CCDC138: variants seen among roughly 807,000 people sequenced by gnomAD.
CCDC138 encodes the protein coiled-coil domain-containing protein 138.
Under a neutral mutation model 82.3 loss-of-function variants are expected in CCDC138, and 66 were observed. That is an observed-to-expected ratio of 0.80 (90% CI 0.66 to 0.98). The LOEUF (loss-of-function observed/expected upper bound fraction) is 0.98. CCDC138 is among the 50% of genes least tolerant of loss of function. CCDC138 has a pLI of 0.00. For synonymous variants in CCDC138, 297 were observed against 265.4 expected, an observed-to-expected ratio of 1.12 and a Z score of -1.16; for missense variants, 816 against 758.9, an observed-to-expected ratio of 1.08 and a Z score of -0.88.
intron 7 of CCDC138, among the ~76,000 whole-genome samples, chr2:108,807,398 A>G (rs941957597): frequency 1.5e-4 from 23 of 152,208 alleles, no homozygotes; most frequent in African/African-American, 4.1e-4. Flanking sequence ...AATTGACATA[A>G]TTATGCATAA....
Position 108,839,263 on chromosome 2 carries a change from A to G in CCDC138, c.1285A>G (p.Ile429Val), listed in dbSNP as rs2150419956. 3 of 1,612,846 alleles carry G rather than the reference A, an allele frequency of 1.9e-6. No individual in the cohort carries two copies. The highest frequency in any genetic ancestry group is 2.2e-5 in the South Asian group (2 of 91,000). Residue 429 changes from isoleucine (I) to valine (V), a missense_variant, in exon 11 of 15, where the codon ATA becomes GTA. Ile to Val is a conservative substitution (Grantham distance 29). Transcript: ENST00000295124. Reference protein sequence around the residue: ...IKLHEPFVKFIYWSLRQLDAG... With the variant: ...IKLHEPFVKFVYWSLRQLDAG... ...ACTTCACGAGCCTTTTGTAAAATTT[A>G]TATATTGGTCCCTAAGGCAGCTAGA...
Position 108,873,519 on chromosome 2 carries a change from C to T in CCDC138, c.1762C>T (p.Arg588Ter), listed in dbSNP as rs367585718. 25 of 1,612,408 alleles carry T rather than the reference C, an allele frequency of 1.6e-5. No homozygotes were observed. The highest frequency in any genetic ancestry group is 6.7e-5 in the African/African-American group (5 of 74,830). Residue 588 changes from arginine to a stop codon, truncating the protein, a stop_gained, in exon 14 of 15, where the codon CGA becomes TGA. Transcript: ENST00000295124. LOFTEE classifies it high-confidence loss of function. ...LFFRTCSVLL[R>*]APKLDLQILE... ...TTTTCGTACTTGCTCTGTGCTGCTT[C>T]GAGCCCCTAAGCTTGATCTTCAAAT...
At chr2:108,881,654 G>A (rs139568261) in intron 1 of CCDC138, among the ~76,000 whole-genome samples, 59 of 152,280 alleles carry the variant, frequency 3.9e-4, no homozygotes, top group Non-Finnish European at 8.2e-4. Context: ...TGGACACTTA[G>A]AGGGCATTTT....
At chr2:108,832,766 A>C (rs532898883) in intron 10 of CCDC138, among the ~76,000 whole-genome samples, 2 of 152,308 alleles carry the variant, frequency 1.3e-5, no homozygotes, top group African/African-American at 4.8e-5. Flanking sequence ...ACAGACACCT[A>C]GTAGTTGAAG....
intron 10 of CCDC138, among the ~76,000 whole-genome samples, chr2:108,820,735 C>T (rs1393489481): frequency 7.1e-6 from 1 of 141,486 alleles, no homozygotes. Context: ...AAACTGTTAA[C>T]CAAGAGTACT....
intron 10 of CCDC138, among the ~76,000 whole-genome samples, chr2:108,838,199 A>G (rs1011819154): frequency 2.6e-5 from 4 of 152,182 alleles, no homozygotes; most frequent in South Asian, 2.1e-4. Flanking sequence ...TAATTTGTCT[A>G]TCAGAGGCAT....
chr2:108,848,313 C>T (rs1307746699), intron 12 of CCDC138, among the ~76,000 whole-genome samples: 1 of 152,122 alleles, frequency 6.6e-6, no homozygotes, highest in African/African-American at 2.4e-5. Context: ...TCTGTCACCA[C>T]TTGTGTGCAG....
Position 108,882,718 on chromosome 2 carries a change from CT to C in CCDC138, c.92del (p.Leu31ProfsTer18), listed in dbSNP as rs1422280882. The C allele has an allele frequency of 6.6e-6, 1 of 152,224 alleles. No individual in the cohort carries two copies. Among genetic ancestry groups the C allele is most frequent in the Non-Finnish European group, 1.5e-5 (1 of 68,092 alleles). The allele number at this position is 152,224 out of a possible 1,614,324, so 9.4% of individuals were successfully genotyped here. On this transcript the variant is annotated frameshift_variant, in exon 2 of 3. Transcript: ENST00000608781. LOFTEE classifies it high-confidence loss of function. ...TGTCCACATGTCTCTTCATTTTCTT[CT>C]CAGGCCTCCTCTTTCTCTCACCATC... is the stretch of plus-strand genomic sequence containing the variant.
chr2:108,851,598 C>T (rs550016956), intron 12 of CCDC138, among the ~76,000 whole-genome samples: 154 of 152,260 alleles, frequency 1.0e-3, no homozygotes, highest in African/African-American at 3.0e-3. Context: ...CCACCGCGCC[C>T]GGCCTTTCTC....
chr2:108,793,892 G>A (rs914866551), intron 4 of CCDC138, among the ~76,000 whole-genome samples: 1 of 151,768 alleles, frequency 6.6e-6, no homozygotes, highest in Non-Finnish European at 1.5e-5. Context: ...GTGAGCCACC[G>A]CGCCCTGCCA....
chr2:108,857,939 G>A (rs542457027), intron 13 of CCDC138, among the ~76,000 whole-genome samples: 1 of 152,230 alleles, frequency 6.6e-6, no homozygotes, highest in African/African-American at 2.4e-5. Flanking sequence ...TTATGAAATA[G>A]TTGACCTGCT....
At chr2:108,867,194 C>A (rs1574302113) in intron 13 of CCDC138, among the ~76,000 whole-genome samples, 1 of 152,138 alleles carries the variant, frequency 6.6e-6, no homozygotes, top group East Asian at 1.9e-4. Context: ...TGTCACAGGG[C>A]TAGGGCCAGG....
At position 108,786,793 on chromosome 2, in the gene CCDC138, C is replaced by G. The variant is rs373787363; in HGVS notation, c.-30C>G. On this transcript the variant is annotated 5_prime_UTR_variant, in exon 1 of 15. Transcript: ENST00000295124. ...GCCGCGGGTTTGATGAACGCGGTTCCCGGGGAGACTGGTACGGTTGCTGTG... is the reference window on the plus strand; with the variant it reads ...GCCGCGGGTTTGATGAACGCGGTTCGCGGGGAGACTGGTACGGTTGCTGTG... 1 of 1,563,914 alleles carries G rather than the reference C, an allele frequency of 6.4e-7. No individual in the cohort carries two copies. The highest frequency in any genetic ancestry group is 1.9e-5 in the Admixed American group (1 of 52,092).
downstream of CCDC138, chr2:108,878,281 T>C (rs920588530): frequency 6.1e-6 from 1 of 164,264 alleles, no homozygotes; most frequent in African/African-American, 2.4e-5. Flanking sequence ...ATCATCATGA[T>C]GTGTACAGTT....
chr2:108,787,053 G>C (rs1027698757), intron 1 of CCDC138, 138 bp downstream of exon 1: 1 of 459,668 alleles, frequency 2.2e-6, no homozygotes, highest in Non-Finnish European at 3.6e-6. Flanking sequence ...TGCGGCTTGG[G>C]CCTCGTGGAA....
intron 11 of CCDC138, among the ~76,000 whole-genome samples, chr2:108,842,216 T>G (rs1039376903): frequency 7.9e-5 from 12 of 152,100 alleles, no homozygotes; most frequent in African/African-American, 2.6e-4. Context: ...TTTTTTTTTT[T>G]TTGATAGAGG....
chr2:108,864,732 T>C (rs1694152134), intron 13 of CCDC138, among the ~76,000 whole-genome samples: 1 of 149,380 alleles, frequency 6.7e-6, no homozygotes, highest in South Asian at 2.1e-4. Context: ...AGGCGGAGGT[T>C]GCAGTGAGTT....
intron 7 of CCDC138, among the ~76,000 whole-genome samples, chr2:108,811,955 C>T (rs1267815441): frequency 6.6e-6 from 1 of 152,064 alleles, no homozygotes; most frequent in Non-Finnish European, 1.5e-5. Flanking sequence ...TGATTTCATT[C>T]TTTACTATGG....
intron 2 of CCDC138, chr2:108,884,523 A>C (rs1414585082): frequency 1.3e-5 from 2 of 152,240 alleles, no homozygotes; most frequent in African/African-American, 4.8e-5. Flanking sequence ...GCTGAAGAGA[A>C]TAAGAGAAGA....
Sources: gnomAD v4.1 joint callset for allele counts (sites outside exome capture counted in the v4.1 genomes callset) on GRCh38, gnomAD v4.1.1 for gene constraint, MANE v1.5 for transcripts, NCBI Gene and HGNC (gene_info 2026-07-23, HGNC 2026-07-21) for gene names.